DCAF8: variants seen among roughly 807,000 people sequenced by gnomAD.
The protein encoded by DCAF8 is DDB1- and CUL4-associated factor 8.
Under a neutral mutation model 68.0 loss-of-function variants are expected in DCAF8, and 20 were observed. The ratio of observed to expected loss-of-function variants is 0.29; its 90% CI spans 0.21 to 0.43. DCAF8 has a LOEUF of 0.43. Among genes scored for constraint, DCAF8 ranks in the 20% least tolerant of loss-of-function variants. The pLI is 1.00. For missense variants in DCAF8, 460 were observed against 771.0 expected (o/e 0.60, Z 4.78); for synonymous variants, 230 against 276.9 (o/e 0.83, Z 1.68).
Position 160,239,802 on chromosome 1 carries a change from G to A in DCAF8, c.618C>T (p.Thr206=). 2 of 1,614,244 alleles carry A rather than the reference G, an allele frequency of 1.2e-6. No homozygotes were observed. The highest frequency in any genetic ancestry group is 1.7e-6 in the Non-Finnish European group (2 of 1,180,046). The part of the protein sequence containing the change: ...VNTLHFNQRG[T]WLASGSDDLK... ...GGTCATCGCTGCCACTGGCCAGCCA[G>A]GTGCCGCGCTGGTTAAAGTGCAGGG... The change falls in exon 4 of 14, where the codon ACC becomes ACT. Residue 206 remains threonine, a synonymous_variant. Coordinates refer to ENST00000368074, the MANE Select transcript of DCAF8 (RefSeq NM_015726.4).
chr1:160,226,108 A>G (rs1181971820), intron 7 of DCAF8, among the ~76,000 whole-genome samples: 2 of 152,112 alleles, frequency 1.3e-5, no homozygotes, highest in African/African-American at 2.4e-5. Context: ...GCAATCCTCA[A>G]TTCTGTCAGT....
intron 1 of DCAF8, 181 bp downstream of exon 1, chr1:160,262,268 A>T (rs564346686): frequency 7.3e-4 from 291 of 399,130 alleles, no homozygotes; most frequent in Non-Finnish European, 1.1e-3. Context: ...CCGGAACGAG[A>T]CACAGACCGG....
intron 2 of DCAF8, among the ~76,000 whole-genome samples, chr1:160,260,683 T>C (rs1224717598): frequency 6.6e-6 from 1 of 152,020 alleles, no homozygotes; most frequent in African/African-American, 2.4e-5. Flanking sequence ...CAAGAATTCT[T>C]CAGACCAGCT....
rs74125505 is a variant in DCAF8, at chr1:160,216,907, G to C, written c.*685C>G. ...CTGCCCCTCCTCCCACCTCTTCCCA[G>C]CCTCCCTCACCTGACCTATTTAGGG... On this transcript the variant is annotated 3_prime_UTR_variant, in exon 14 of 14. Transcript: ENST00000368074. The C allele has an allele frequency of 6.6e-6, 1 of 152,490 alleles. No homozygotes were observed. The highest frequency in any genetic ancestry group is 1.5e-5 in the Non-Finnish European group (1 of 68,030). 9.4% of individuals were successfully genotyped at this position (152,490 alleles called of 1,614,324 possible). A position where few individuals can be genotyped will look rare whatever the true frequency, so the allele number is the denominator to read the frequency against.
chr1:160,239,082 T>C lies in DCAF8; in HGVS notation c.724-335A>G, dbSNP rs146381823. On this transcript the variant is annotated intron_variant, in intron 4 of 13. Transcript: ENST00000368074. ...AATCTACTTTGATTAAGAAAGTAAA[T>C]ATAAATTTGCTACAAAGAAAAAGGA... 1.7e-4 allele frequency: 139 copies of C among 802,702 alleles called. 2 individuals carry two copies. The African/African-American group carries it at 2.2e-3, about 13-fold the overall frequency. The allele number at this position is 802,702 out of a possible 1,614,324, so 49.7% of individuals were successfully genotyped here.
chr1:160,233,435 T>A (rs1376291558), intron 6 of DCAF8, among the ~76,000 whole-genome samples: 1 of 152,026 alleles, frequency 6.6e-6, no homozygotes, highest in Non-Finnish European at 1.5e-5. Context: ...GCACTGAAAA[T>A]GAATGTCATT....
At chr1:160,226,526 A>G (rs1308990480) in intron 7 of DCAF8, among the ~76,000 whole-genome samples, 2 of 152,194 alleles carry the variant, frequency 1.3e-5, no homozygotes, top group African/African-American at 4.8e-5. Context: ...ATCTGTTCTC[A>G]CCCAGTCTCC....
intron 2 of DCAF8, among the ~76,000 whole-genome samples, chr1:160,252,566 G>A (rs184083647): frequency 6.6e-6 from 1 of 152,258 alleles, no homozygotes; most frequent in East Asian, 1.9e-4. Flanking sequence ...TAAAAGCTTT[G>A]TTGTTGGGGG....
intron 3 of DCAF8, among the ~76,000 whole-genome samples, chr1:160,242,181 G>A (rs765841878): frequency 6.6e-6 from 1 of 151,304 alleles, no homozygotes; most frequent in Non-Finnish European, 1.5e-5. Flanking sequence ...GGAGGTGGAG[G>A]CTGCAGTGAG....
Position 160,240,054 on chromosome 1 carries a change from C to A in DCAF8, c.366G>T (p.Arg122=). The A allele has an allele frequency of 6.2e-7, 1 of 1,614,242 alleles. No homozygotes were observed. The highest frequency in any genetic ancestry group is 1.1e-5 in the South Asian group (1 of 91,086). The change falls in exon 4 of 14, where the codon CGG becomes CGT. Residue 122 remains arginine, a synonymous_variant. Coordinates refer to ENST00000368074, the MANE Select transcript of DCAF8 (RefSeq NM_015726.4). The part of the protein sequence containing the change: ...EQPRRRVQRK[R]ANRDQDSSDD... ...CTGATGAGTCCTGGTCACGGTTAGC[C>A]CGCTTGCGCTGTACACGGCGCCGAG...
At chr1:160,247,273 AACCCACTGGAGGGTGAGGAAAAAAG>A (rs1169869819) in intron 2 of DCAF8, among the ~76,000 whole-genome samples, 1 of 152,240 alleles carries the variant, frequency 6.6e-6, no homozygotes, top group Non-Finnish European at 1.5e-5. Context: ...GTTAAAGAGT[AACCCACTGGAGGGTGAGGAAAAAAG>A]ACCCAGGTGC....
chr1:160,224,691 G>C, intron 9 of DCAF8, 142 bp from the exon 10 acceptor site: 4 of 673,198 alleles, frequency 5.9e-6, no homozygotes, highest in South Asian at 5.2e-5. Context: ...GGAACACCAG[G>C]CAAGTCCGAC....
In DCAF8 at chr1:160,232,217, A is replaced by G. The variant is rs547090459; in HGVS notation, c.960-810T>C. 6.6e-5 allele frequency among the ~76,000 whole-genome samples: 10 copies of G among 152,024 alleles called. No homozygotes were observed. The South Asian group carries it at 8.3e-4, about 13-fold the overall frequency. On this transcript the variant is annotated intron_variant, in intron 6 of 13. Coordinates refer to ENST00000368074, the MANE Select transcript of DCAF8 (RefSeq NM_015726.4). ...AGAGCAAGACTGTCTCAAAAAAAAA[A>G]AAGTCACTTAAAACCCAACTTAAGC...
intron 4 of DCAF8, 112 bp downstream of exon 4, chr1:160,239,585 C>G: frequency 6.2e-7 from 1 of 1,606,314 alleles, no homozygotes; most frequent in Non-Finnish European, 8.5e-7. Context: ...GGCCATGTCC[C>G]GATATGTAAT....
chr1:160,224,407 G>A, intron 10 of DCAF8, 35 bp downstream of exon 10: 1 of 1,539,378 alleles, frequency 6.5e-7, no homozygotes, highest in Non-Finnish European at 9.0e-7. Context: ...AAGCCAACAG[G>A]CTTGGGCCAA....
intron 2 of DCAF8, among the ~76,000 whole-genome samples, chr1:160,255,127 A>C (rs1332753527): frequency 6.6e-6 from 1 of 152,218 alleles, no homozygotes; most frequent in African/African-American, 2.4e-5. Context: ...ACACAGTCCC[A>C]AGTCTATGAA....
At chr1:160,222,576 T>G in intron 11 of DCAF8, 75 bp downstream of exon 11, 1 of 1,573,852 alleles carries the variant, frequency 6.4e-7, no homozygotes, top group South Asian at 1.1e-5. Context: ...CAGTGAGAAT[T>G]CAGTGTCCCT....
At chr1:160,225,232 A>C in intron 8 of DCAF8, 113 bp from the exon 9 acceptor site, 2 of 1,012,218 alleles carry the variant, frequency 2.0e-6, no homozygotes, top group Non-Finnish European at 3.0e-6. Flanking sequence ...AGATTTGAGA[A>C]AGACAGACAG....
intron 3 of DCAF8, among the ~76,000 whole-genome samples, chr1:160,243,564 T>C (rs937242429): frequency 3.3e-5 from 5 of 152,194 alleles, no homozygotes; most frequent in African/African-American, 1.2e-4. Flanking sequence ...TCTATCAAAC[T>C]ACTACTTACT....
Sources: allele counts gnomAD v4.1 joint callset (sites outside exome capture counted in the v4.1 genomes callset), GRCh38; gene constraint gnomAD v4.1.1; transcripts MANE v1.5; gene names NCBI Gene and HGNC (gene_info 2026-07-23, HGNC 2026-07-21).